The following INTS13 variants were observed in gnomAD, a reference collection of about 807,000 sequenced individuals.
The protein encoded by INTS13 is integrator complex subunit 13.
Under a neutral mutation model 90.2 loss-of-function variants are expected in INTS13, and 35 were observed. The ratio of observed to expected loss-of-function variants is 0.39; its 90% CI spans 0.30 to 0.51. The LOEUF (loss-of-function observed/expected upper bound fraction) is 0.51. Among genes scored for constraint, INTS13 ranks in the 20% least tolerant of loss-of-function variants. INTS13 has a pLI of 0.80. For missense variants in INTS13, 601 were observed against 851.2 expected (o/e 0.71, Z 3.66); for synonymous variants, 309 against 277.1 (o/e 1.11, Z -1.14).
At position 26,913,498 on chromosome 12, in the gene INTS13, C is replaced by T; in HGVS notation, c.1764G>A (p.Val588=). 1 of 1,614,122 alleles carries T rather than the reference C, an allele frequency of 6.2e-7. No individual in the cohort carries two copies. The highest frequency in any genetic ancestry group is 8.5e-7 in the Non-Finnish European group (1 of 1,180,022). Residue 588 remains valine (V), a synonymous_variant, in exon 14 of 17, where the codon GTG becomes GTA. Coordinates refer to ENST00000261191, the MANE Select transcript of INTS13 (RefSeq NM_018164.3). The part of the protein sequence containing the change: ...EDKEDKSEKA[V]KDYEQEKSWQ... ...AAGACTTTTCCTGTTCATAATCTTT[C>T]ACTGCTTTCTCTGACTTGTCCTCTT... is the stretch of plus-strand genomic sequence containing the variant.
chr12:26,923,925 T>C (rs1444103836), intron 7 of INTS13, among the ~76,000 whole-genome samples: 2 of 152,160 alleles, frequency 1.3e-5, no homozygotes, highest in African/African-American at 2.4e-5. Flanking sequence ...ATAGAAATTA[T>C]ATTTTGATGA....
chr12:26,919,677 TTTTC>T (rs1404381074), intron 8 of INTS13, among the ~76,000 whole-genome samples: 1 of 152,038 alleles, frequency 6.6e-6, no homozygotes, highest in African/African-American at 2.4e-5. Context: ...GATTCTGAGG[TTTTC>T]TGCCTTACAT....
At chr12:26,918,107 G>A (rs1951995809) in intron 8 of INTS13, among the ~76,000 whole-genome samples, 2 of 152,026 alleles carry the variant, frequency 1.3e-5, no homozygotes, top group South Asian at 4.1e-4. Flanking sequence ...AGGCAACAGA[G>A]TGAGACTCTG....
chr12:26,925,953 C>T (rs960968256), intron 5 of INTS13, 102 bp from the exon 6 acceptor site: 5 of 773,048 alleles, frequency 6.5e-6, no homozygotes, highest in Non-Finnish European at 6.3e-6. Context: ...CATCATATTG[C>T]TACAATTAGA....
intron 8 of INTS13, among the ~76,000 whole-genome samples, chr12:26,919,245 A>C (rs1441196305): frequency 6.6e-6 from 1 of 152,196 alleles, no homozygotes; most frequent in African/African-American, 2.4e-5. Flanking sequence ...AACAATGGAT[A>C]CCAAGATACT....
chr12:26,907,257 G>C (rs1461507983), intron 15 of INTS13, among the ~76,000 whole-genome samples: 1 of 151,718 alleles, frequency 6.6e-6, no homozygotes, highest in African/African-American at 2.4e-5. Flanking sequence ...TTGGTGAAAG[G>C]ACGGCCACAT....
intron 2 of INTS13, among the ~76,000 whole-genome samples, chr12:26,935,725 G>T (rs1047780012): frequency 6.6e-6 from 1 of 152,154 alleles, no homozygotes; most frequent in Non-Finnish European, 1.5e-5. Flanking sequence ...CAAATTTTAA[G>T]AAGGGCTTAT....
intron 3 of INTS13, among the ~76,000 whole-genome samples, chr12:26,933,027 A>G (rs1938280410): frequency 6.6e-6 from 1 of 152,242 alleles, no homozygotes; most frequent in South Asian, 2.1e-4. Flanking sequence ...CAAATAAACT[A>G]ATGTTAATAC....
chr12:26,910,938 C>T (rs879460886), intron 15 of INTS13, among the ~76,000 whole-genome samples: 2 of 152,036 alleles, frequency 1.3e-5, no homozygotes, highest in Non-Finnish European at 2.9e-5. Context: ...CAGGTGCAAG[C>T]GACTCTCTAG....
intron 14 of INTS13, among the ~76,000 whole-genome samples, chr12:26,912,796 C>A (rs1160592522): frequency 6.6e-6 from 1 of 151,528 alleles, no homozygotes; most frequent in East Asian, 1.9e-4. Context: ...GGAGGAATCT[C>A]GGCTCACAGC....
rs529147581 is a variant in INTS13, at chr12:26,930,886, C to T, written c.301-1981G>A. 3.9e-5 allele frequency among the ~76,000 whole-genome samples: 6 copies of T among 152,146 alleles called. No homozygotes were observed. In the East Asian group the frequency reaches 5.8e-4, roughly 15 times the overall value. ...AGTATTTAAAAAAGTAAGGTGGAAACGTATGGAATTCTTAAAATTGTTTTT... is the reference window on the plus strand; with the variant it reads ...AGTATTTAAAAAAGTAAGGTGGAAATGTATGGAATTCTTAAAATTGTTTTT... On this transcript the variant is annotated intron_variant, in intron 3 of 16. Coordinates refer to ENST00000261191, the MANE Select transcript of INTS13 (RefSeq NM_018164.3).
chr12:26,906,479 T>C, intron 15 of INTS13, 42 bp from the exon 16 acceptor site: 2 of 1,569,692 alleles, frequency 1.3e-6, no homozygotes, highest in South Asian at 2.4e-5. Flanking sequence ...AAAGATAGAA[T>C]AATTTATTAT....
chr12:26,923,730 G>C (rs1308272610), intron 7 of INTS13, among the ~76,000 whole-genome samples: 4 of 152,108 alleles, frequency 2.6e-5, no homozygotes, highest in Admixed American at 6.5e-5. Context: ...TTCAGTTAGA[G>C]AGTAATAAAC....
rs1490767235 is a variant in INTS13, at chr12:26,925,806, G to A, written c.630C>T (p.Tyr210=). 2.5e-6 allele frequency: 4 copies of A among 1,612,868 alleles called. No individual in the cohort carries two copies. Among genetic ancestry groups the A allele is most frequent in the African/African-American group, 2.7e-5 (2 of 74,876 alleles). The part of the protein sequence containing the change: ...QKCELVLIHT[Y]PVGEDSLVSD... ...ATACAAGGCTGTCTTCACCAACTGG[G>A]TAGGTGTGGATCAAGACCAACTCAC... is the stretch of plus-strand genomic sequence containing the variant. The change falls in exon 6 of 17, where the codon TAC becomes TAT. Residue 210 remains tyrosine, a synonymous_variant. Coordinates refer to ENST00000261191, the MANE Select transcript of INTS13 (RefSeq NM_018164.3).
intron 14 of INTS13, among the ~76,000 whole-genome samples, chr12:26,912,506 G>C (rs980278550): frequency 6.6e-6 from 1 of 152,132 alleles, no homozygotes; most frequent in South Asian, 2.1e-4. Flanking sequence ...CTGGCAAGTG[G>C]ATAGAGGATA....
In INTS13 at chr12:26,922,017, C is replaced by T. The variant is rs1354152029; in HGVS notation, c.889+599G>A. 2.6e-5 allele frequency among the ~76,000 whole-genome samples: 4 copies of T among 152,312 alleles called. No homozygotes were observed. In the East Asian group the frequency reaches 7.7e-4, roughly 29 times the overall value. ...TAAACAATTCATAAGTTTTACACTGCATGCTGTTCTGAGTAGCATGATGAA... is the reference window on the plus strand; with the variant it reads ...TAAACAATTCATAAGTTTTACACTGTATGCTGTTCTGAGTAGCATGATGAA... On this transcript the variant is annotated intron_variant, in intron 8 of 16. Transcript: ENST00000261191.
chr12:26,911,255 G>A lies in INTS13; in HGVS notation c.1868C>T (p.Ser623Leu), dbSNP rs973443758. ...ELAEAEIIKD[S>L]PDSPEPPNKK... is the part of the protein sequence containing the mutation. ...GTTTGGAGGTTCTGGGGAATCAGGC[G>A]AATCTTTTATAATCTCAGCTTCAGC... is the stretch of plus-strand genomic sequence containing the variant. The change falls in exon 15 of 17, where the codon TCG becomes TTG. Residue 623 changes from serine to leucine, a missense_variant. By Grantham distance (145) the Ser-to-Leu change is moderately radical. Transcript: ENST00000261191. The A allele has an allele frequency of 3.7e-6, 6 of 1,613,646 alleles. No individual in the cohort carries two copies. The highest frequency in any genetic ancestry group is 1.3e-5 in the African/African-American group (1 of 74,890).
intron 14 of INTS13, 36 bp downstream of exon 14, chr12:26,913,421 A>T: frequency 6.6e-7 from 1 of 1,511,142 alleles, no homozygotes; most frequent in Non-Finnish European, 9.2e-7. Flanking sequence ...ATATAACAAA[A>T]GGCACCATGG....
At chr12:26,924,600 G>GA in intron 6 of INTS13, 117 bp from the exon 7 acceptor site, 2 of 1,095,436 alleles carry the variant, frequency 1.8e-6, no homozygotes, top group Admixed American at 3.0e-5. Flanking sequence ...TTAGAAGTTG[G>GA]AAAAAAAGGA....
Sources: gnomAD v4.1 joint callset for allele counts (sites outside exome capture counted in the v4.1 genomes callset) on GRCh38, gnomAD v4.1.1 for gene constraint, MANE v1.5 for transcripts, NCBI Gene and HGNC (gene_info 2026-07-23, HGNC 2026-07-21) for gene names.